Variants in ELMO1 observed in about 807,000 individuals in gnomAD.
ELMO1 encodes engulfment and cell motility 1.
In ELMO1, 26 loss-of-function variants were observed where a neutral mutation model predicts 98.9. That is an observed-to-expected ratio of 0.26 (90% confidence interval 0.19 to 0.36). The LOEUF (loss-of-function observed/expected upper bound fraction) is 0.36, where lower values mean the gene tolerates loss of function less well. Among genes scored for constraint, ELMO1 ranks in the 10% least tolerant of loss-of-function variants. The pLI, the probability that ELMO1 is intolerant of heterozygous loss-of-function variation, is 1.00. For synonymous variants in ELMO1, 346 were observed against 346.0 expected (o/e 1.00, Z 0.00); for missense variants, 627 against 935.2 (o/e 0.67, Z 4.30).
At chr7:37,334,030 T>G (rs1172507614) in intron 2 of ELMO1, among the ~76,000 whole-genome samples, 1 of 152,166 alleles carries the variant, frequency 6.6e-6, no homozygotes, top group Non-Finnish European at 1.5e-5. Flanking sequence ...TTCACAACAA[T>G]GTTTTCAAAT....
intron 1 of ELMO1, among the ~76,000 whole-genome samples, chr7:37,380,632 C>T (rs1583656816): frequency 6.6e-6 from 1 of 152,212 alleles, no homozygotes; most frequent in East Asian, 1.9e-4. Flanking sequence ...ACCACAAACA[C>T]TGAATTTGCC....
chr7:37,092,848 G>C (rs557458737), intron 15 of ELMO1, among the ~76,000 whole-genome samples: 1 of 152,150 alleles, frequency 6.6e-6, no homozygotes, highest in East Asian at 1.9e-4. Flanking sequence ...ATTCCAAGAT[G>C]GGTCATTCAG....
At chr7:37,030,116 T>C (rs1334450364) in intron 15 of ELMO1, among the ~76,000 whole-genome samples, 1 of 152,144 alleles carries the variant, frequency 6.6e-6, no homozygotes, top group African/African-American at 2.4e-5. Context: ...CTCTCTCTCT[T>C]TTTAAAAATC....
chr7:36,972,838 T>C (rs1178171958), intron 16 of ELMO1, among the ~76,000 whole-genome samples: 1 of 152,210 alleles, frequency 6.6e-6, no homozygotes, highest in Non-Finnish European at 1.5e-5. Context: ...TGGAGTACAA[T>C]GGCGCGATCT....
intron 13 of ELMO1, among the ~76,000 whole-genome samples, chr7:37,137,352 C>T (rs1008867038): frequency 1.3e-5 from 2 of 152,100 alleles, no homozygotes; most frequent in African/African-American, 4.8e-5. Context: ...ACTGACAGCA[C>T]TAGAAAGGTC....
intron 15 of ELMO1, among the ~76,000 whole-genome samples, chr7:37,025,798 C>CAT (rs976321691): frequency 4.6e-5 from 7 of 151,142 alleles, no homozygotes; most frequent in African/African-American, 7.3e-5. Context: ...TGATAAATCT[C>CAT]ATATATATAT....
chr7:37,184,640 G>A (rs1791089246), intron 13 of ELMO1, among the ~76,000 whole-genome samples: 1 of 152,118 alleles, frequency 6.6e-6, no homozygotes, highest in South Asian at 2.1e-4. Flanking sequence ...TGGCATGATG[G>A]CTCACACCTA....
At chr7:36,866,544 C>T (rs1803044511) in intron 20 of ELMO1, among the ~76,000 whole-genome samples, 1 of 152,190 alleles carries the variant, frequency 6.6e-6, no homozygotes, top group Non-Finnish European at 1.5e-5. Context: ...TCTTTCTGTT[C>T]TCAGGGCCCT....
intron 14 of ELMO1, among the ~76,000 whole-genome samples, chr7:37,128,629 T>C (rs1786691898): frequency 6.6e-6 from 1 of 152,152 alleles, no homozygotes; most frequent in Admixed American, 6.5e-5. Flanking sequence ...AACCAGGCTG[T>C]CCATCACAAA....
chr7:36,975,154 A>C (rs1171906218), intron 16 of ELMO1, among the ~76,000 whole-genome samples: 1 of 152,228 alleles, frequency 6.6e-6, no homozygotes, highest in Non-Finnish European at 1.5e-5. Context: ...TATCGCTCAG[A>C]CATTTTTAAG....
At chr7:37,024,314 C>T (rs542970142) in intron 15 of ELMO1, among the ~76,000 whole-genome samples, 5 of 152,266 alleles carry the variant, frequency 3.3e-5, no homozygotes, top group South Asian at 2.1e-4. Flanking sequence ...GTTCGCACAA[C>T]GCTTTGTAGA....
At chr7:37,448,456 C>A (rs1039528104) in intron 1 of ELMO1, among the ~76,000 whole-genome samples, 2 of 152,110 alleles carry the variant, frequency 1.3e-5, no homozygotes, top group African/African-American at 4.8e-5. Flanking sequence ...TCCCCAACTG[C>A]AGAGCGCCCC....
rs556825196 is a variant in ELMO1, at chr7:37,430,202, C to T, written c.-74+18473G>A. Among the ~76,000 whole-genome samples, 334 of 152,330 alleles carry T rather than the reference C, an allele frequency of 2.2e-3. 1 individual carries two copies. Among genetic ancestry groups the T allele is most frequent in the African/African-American group, 7.2e-3 (299 of 41,574 alleles). On this transcript the variant is annotated intron_variant, in intron 1 of 21. Coordinates refer to ENST00000310758, the MANE Select transcript of ELMO1 (RefSeq NM_014800.11). Reference sequence around the variant, plus strand: ...GAGCTCCACCAGGAACATCATTTTCCATGAAGCACATTTTTGGCCAACAGG... The same window carrying T: ...GAGCTCCACCAGGAACATCATTTTCTATGAAGCACATTTTTGGCCAACAGG...
chr7:37,426,142 CTTTTTTTTTT>C lies in ELMO1; in HGVS notation c.-74+22523_-74+22532del, dbSNP rs36086006. ...TCTCTCTCTCCCTCTTTTTTTCTTT[CTTTTTTTTTT>C]TTTTTTTTTTTTTTTTACTGAGATG... On this transcript the variant is annotated intron_variant, in intron 1 of 21. Transcript: ENST00000310758. Among the ~76,000 whole-genome samples the C allele has an allele frequency of 5.9e-5, 5 of 84,594 alleles. No homozygotes were observed. In the South Asian group the frequency reaches 1.3e-3, roughly 22 times the overall value. 55.5% of individuals were successfully genotyped at this position (84,594 alleles called of 152,430 possible).
chr7:37,274,725 G>T (rs1264684795), intron 4 of ELMO1, among the ~76,000 whole-genome samples: 3 of 152,038 alleles, frequency 2.0e-5, no homozygotes, highest in Non-Finnish European at 4.4e-5. Context: ...GCTAATTTTT[G>T]TATTTTTAGT....
intron 16 of ELMO1, among the ~76,000 whole-genome samples, chr7:36,978,256 G>A (rs1238918258): frequency 6.6e-6 from 1 of 151,542 alleles, no homozygotes; most frequent in African/African-American, 2.4e-5. Flanking sequence ...AGAGCCCCAG[G>A]AAGCCACACC....
At chr7:37,247,527 A>G (rs111394488) in intron 6 of ELMO1, among the ~76,000 whole-genome samples, 3 of 152,310 alleles carry the variant, frequency 2.0e-5, no homozygotes, top group African/African-American at 7.2e-5. Flanking sequence ...AGAATTACCC[A>G]ATTTGTATAA....
At chr7:37,261,797 T>A (rs1795991211) in intron 5 of ELMO1, among the ~76,000 whole-genome samples, 1 of 152,174 alleles carries the variant, frequency 6.6e-6, no homozygotes, top group Non-Finnish European at 1.5e-5. Context: ...ACACAGGGTT[T>A]CACCATGTTG....
chr7:37,045,908 G>A (rs937467882), intron 15 of ELMO1, among the ~76,000 whole-genome samples: 5 of 152,180 alleles, frequency 3.3e-5, no homozygotes, highest in Admixed American at 2.6e-4. Flanking sequence ...TCTGAGAGGC[G>A]AAGGATAGCC....
Sources: allele counts gnomAD v4.1 joint callset (sites outside exome capture counted in the v4.1 genomes callset), GRCh38; gene constraint gnomAD v4.1.1; transcripts MANE v1.5; gene names NCBI Gene and HGNC (gene_info 2026-07-23, HGNC 2026-07-21).